Variants in TEC observed in about 807,000 individuals in gnomAD.
TEC encodes tec protein tyrosine kinase.
A neutral mutation model predicts 93.0 loss-of-function variants in TEC; 72 were observed. The ratio of observed to expected loss-of-function variants is 0.77; its 90% CI spans 0.64 to 0.94. The LOEUF is 0.94. Among genes scored for constraint, TEC ranks in the 40% least tolerant of loss-of-function variants. The pLI, the probability that TEC is intolerant of heterozygous loss-of-function variation, is 0.00. For missense variants in TEC, 630 were observed against 757.9 expected, an observed-to-expected ratio of 0.83 and a Z score of 1.98; for synonymous variants, 249 against 247.7, an observed-to-expected ratio of 1.01 and a Z score of -0.05.
chr4:48,264,236 G>A (rs1724573274), intron 1 of TEC, among the ~76,000 whole-genome samples: 2 of 152,106 alleles, frequency 1.3e-5, no homozygotes. Context: ...TATAAAAAGA[G>A]GGGTGGGCTA....
At chr4:48,252,221 T>C (rs1297842070) in intron 1 of TEC, among the ~76,000 whole-genome samples, 2 of 152,178 alleles carry the variant, frequency 1.3e-5, no homozygotes, top group Non-Finnish European at 2.9e-5. Flanking sequence ...TAAGCAAATA[T>C]ACATAAAGTG....
At chr4:48,211,997 G>A (rs1722916696) in intron 2 of TEC, among the ~76,000 whole-genome samples, 1 of 151,032 alleles carries the variant, frequency 6.6e-6, no homozygotes, top group South Asian at 2.1e-4. Flanking sequence ...TACTCAGGAG[G>A]TTGAGTCATG....
intron 14 of TEC, chr4:48,141,665 C>CTTTTTTTTTT: frequency 3.5e-6 from 1 of 289,476 alleles, no homozygotes; most frequent in Non-Finnish European, 6.3e-6. Flanking sequence ...TACCAATTGT[C>CTTTTTTTTTT]TTTTTTTTTT....
At chr4:48,226,775 T>A (rs563156524) in intron 2 of TEC, among the ~76,000 whole-genome samples, 1 of 152,156 alleles carries the variant, frequency 6.6e-6, no homozygotes, top group Non-Finnish European at 1.5e-5. Flanking sequence ...TAACCCTACA[T>A]TGACAAGAGT....
chr4:48,248,517 T>C (rs1724118607), intron 1 of TEC, among the ~76,000 whole-genome samples: 1 of 151,882 alleles, frequency 6.6e-6, no homozygotes, highest in African/African-American at 2.4e-5. Context: ...GTACGGGAGG[T>C]GACTACTCAA....
At chr4:48,142,593 A>G (rs926477013) in intron 14 of TEC, among the ~76,000 whole-genome samples, 5 of 152,242 alleles carry the variant, frequency 3.3e-5, no homozygotes, top group Admixed American at 6.5e-5. Context: ...ATTTTCTTGC[A>G]TGTTCTTCAA....
intron 9 of TEC, 111 bp from the exon 10 acceptor site, chr4:48,151,053 G>GC: frequency 1.4e-6 from 1 of 712,808 alleles, no homozygotes; most frequent in Non-Finnish European, 2.1e-6. Context: ...TTCTTTCCCA[G>GC]AAAAAAATGC....
intron 2 of TEC, among the ~76,000 whole-genome samples, chr4:48,179,349 TATATATATATATATATATATATATA>T (rs1367757311): frequency 6.8e-3 from 198 of 28,988 alleles, no homozygotes; most frequent in Middle Eastern, 0.034. Context: ...TATATATATA[TATATATATATATATATATATATATA>T]TATTTTTTTT....
chr4:48,136,069 G>C lies in TEC; in HGVS notation c.*1347C>G, dbSNP rs907199482. The C allele has an allele frequency of 6.6e-6, 1 of 152,222 alleles. No homozygotes were observed. Among genetic ancestry groups the C allele is most frequent in the African/African-American group, 2.4e-5 (1 of 41,456 alleles). The allele number at this position is 152,222 out of a possible 1,614,324, so 9.4% of individuals were successfully genotyped here. ...TTACCCCACCAACAGCAAGAATAAC[G>C]TGTTGGGCAATAAACGGTCTCTGGA... On this transcript the variant is annotated 3_prime_UTR_variant, in exon 18 of 18. Transcript: ENST00000381501.
intron 2 of TEC, among the ~76,000 whole-genome samples, chr4:48,206,677 C>G (rs1382207568): frequency 2.0e-5 from 3 of 150,314 alleles, no homozygotes; most frequent in South Asian, 2.1e-4. Flanking sequence ...CGTGATGGCT[C>G]ACACTTGTAA....
chr4:48,173,846 A>T (rs1308254951), intron 3 of TEC, among the ~76,000 whole-genome samples: 1 of 152,158 alleles, frequency 6.6e-6, no homozygotes, highest in East Asian at 1.9e-4. Flanking sequence ...TCATCTAGAA[A>T]AGCATGAAGG....
chr4:48,185,927 G>A (rs887867211), intron 2 of TEC, among the ~76,000 whole-genome samples: 1 of 151,908 alleles, frequency 6.6e-6, no homozygotes, highest in South Asian at 2.1e-4. Context: ...GGACTGTACT[G>A]CCGCCATCTC....
chr4:48,179,157 A>G (rs1210458678), intron 2 of TEC, among the ~76,000 whole-genome samples: 1 of 151,756 alleles, frequency 6.6e-6, no homozygotes, highest in Non-Finnish European at 1.5e-5. Context: ...CAATAGGACA[A>G]GCTCATTTCC....
At chr4:48,143,928 A>C (rs1184498883) in intron 14 of TEC, among the ~76,000 whole-genome samples, 2 of 152,314 alleles carry the variant, frequency 1.3e-5, no homozygotes, top group East Asian at 3.9e-4. Context: ...GTTAACTTTA[A>C]AAAATGTTTT....
intron 2 of TEC, among the ~76,000 whole-genome samples, chr4:48,204,945 C>G (rs563352241): frequency 6.4e-4 from 98 of 152,218 alleles, no homozygotes; most frequent in African/African-American, 2.3e-3. Context: ...AATCATCAAA[C>G]CTGGCGGTGG....
At chr4:48,139,053 T>C in intron 15 of TEC, 31 bp from the exon 16 acceptor site, 4 of 1,535,056 alleles carry the variant, frequency 2.6e-6, no homozygotes, top group Non-Finnish European at 3.6e-6. Flanking sequence ...GGTTTACACC[T>C]CTGAAGAACA....
At chr4:48,164,109 C>T (rs990477639) in intron 7 of TEC, among the ~76,000 whole-genome samples, 2 of 152,174 alleles carry the variant, frequency 1.3e-5, no homozygotes, top group African/African-American at 2.4e-5. Context: ...GTGACTAGCT[C>T]CTGTGCTCCT....
chr4:48,142,972 A>C (rs1373225180), intron 14 of TEC, among the ~76,000 whole-genome samples: 1 of 152,220 alleles, frequency 6.6e-6, no homozygotes, highest in Non-Finnish European at 1.5e-5. Flanking sequence ...GTGAGCCACC[A>C]CACCTGGCCG....
rs554787657 is a variant in TEC at position 48,226,344 on chromosome 4, T to A, written c.138+2133A>T. ...TGCATGGGTCCATTGATAGAGGGAT[T>A]TTTCTCTCAGTAAAAGTTACACTGA... On this transcript the variant is annotated intron_variant, in intron 2 of 17. Coordinates refer to ENST00000381501, the MANE Select transcript of TEC (RefSeq NM_003215.3). Among the ~76,000 whole-genome samples the A allele has an allele frequency of 2.3e-3, 357 of 152,090 alleles. 8 individuals are homozygous for A. The highest frequency in any genetic ancestry group is 0.01 in the Middle Eastern group (3 of 294).
Sources: gnomAD v4.1 joint callset for allele counts (sites outside exome capture counted in the v4.1 genomes callset) on GRCh38, gnomAD v4.1.1 for gene constraint, MANE v1.5 for transcripts, NCBI Gene and HGNC (gene_info 2026-07-23, HGNC 2026-07-21) for gene names.